The following ACOT7 variants were observed in gnomAD, a reference collection of about 807,000 sequenced individuals.
ACOT7 encodes the protein cytosolic acyl coenzyme A thioester hydrolase.
In ACOT7, 12 loss-of-function variants were observed where a neutral mutation model predicts 40.2. That is an observed-to-expected ratio of 0.30 (90% CI 0.19 to 0.48). The LOEUF is 0.48. Ranked by LOEUF, ACOT7 falls within the 20% of genes least tolerant of loss-of-function variation. ACOT7 has a pLI of 0.99. For synonymous variants in ACOT7, 228 were observed against 219.5 expected, an observed-to-expected ratio of 1.04 and a Z score of -0.34; for missense variants, 395 against 530.8, an observed-to-expected ratio of 0.74 and a Z score of 2.51.
chr1:6,316,421 T>C (rs1160362582), intron 6 of ACOT7, among the ~76,000 whole-genome samples: 1 of 152,246 alleles, frequency 6.6e-6, no homozygotes, highest in Admixed American at 6.5e-5. Context: ...AGACCATAGT[T>C]AATCAGATTT....
rs1640930711 is a variant in ACOT7, at chr1:6,330,664, CAG to C, written c.510+2811_510+2812del. On this transcript the variant is annotated intron_variant, in intron 4 of 8. Transcript: ENST00000361521. The surrounding 1 kb of genome is among the most constrained non-coding windows in gnomAD (Gnocchi z 4.6). ...ACTGGGCAAGGAGAGGCGAGGCTAA[CAG>C]GGGCCACGCTGAAAGCACCCTGTCC... Among the ~76,000 whole-genome samples, 2 of 152,278 alleles carry C rather than the reference CAG, an allele frequency of 1.3e-5. No individual in the cohort carries two copies. The highest frequency in any genetic ancestry group is 4.1e-4 in the South Asian group (2 of 4,826).
intron 1 of ACOT7, among the ~76,000 whole-genome samples, chr1:6,351,590 G>A (rs948927979): frequency 6.6e-6 from 1 of 152,226 alleles, no homozygotes; most frequent in East Asian, 1.9e-4. Flanking sequence ...CTGTCCTGGG[G>A]GCACTAGCCA....
intron 4 of ACOT7, among the ~76,000 whole-genome samples, chr1:6,329,445 T>C (rs536220200): frequency 7.2e-5 from 11 of 151,956 alleles, no homozygotes; most frequent in African/African-American, 2.7e-4. Flanking sequence ...CCTAGGAACA[T>C]TGGTGGGTGA....
At chr1:6,300,068 G>A (rs1639924612) in intron 6 of ACOT7, among the ~76,000 whole-genome samples, 2 of 152,350 alleles carry the variant, frequency 1.3e-5, no homozygotes, top group South Asian at 4.1e-4. Flanking sequence ...GACCGTGTGT[G>A]CTGGGGAGAC....
intron 1 of ACOT7, among the ~76,000 whole-genome samples, chr1:6,366,087 G>A (rs56299883): frequency 6.6e-6 from 1 of 151,878 alleles, no homozygotes; most frequent in East Asian, 2.0e-4. Context: ...GTAGAGACAG[G>A]GTCTCACTAT....
intron 1 of ACOT7, among the ~76,000 whole-genome samples, chr1:6,364,885 T>C (rs748805947): frequency 1.1e-4 from 15 of 130,680 alleles, no homozygotes; most frequent in Non-Finnish European, 7.9e-5. Context: ...TAGCCAGGCA[T>C]GGTGGTGGGA....
intron 2 of ACOT7, among the ~76,000 whole-genome samples, chr1:6,341,655 T>C (rs1013424085): frequency 1.3e-5 from 2 of 151,994 alleles, no homozygotes; most frequent in African/African-American, 2.4e-5. Flanking sequence ...GGCAGGAGAA[T>C]GGCGTGAACC....
At chr1:6,280,018 G>A (rs1309340417) in intron 8 of ACOT7, among the ~76,000 whole-genome samples, 2 of 152,230 alleles carry the variant, frequency 1.3e-5, no homozygotes, top group African/African-American at 4.8e-5. Context: ...AGGCTGAGCA[G>A]CAAATGCTTG....
intron 3 of ACOT7, among the ~76,000 whole-genome samples, chr1:6,337,086 C>T (rs1032217783): frequency 6.6e-6 from 1 of 152,254 alleles, no homozygotes; most frequent in East Asian, 1.9e-4. Flanking sequence ...TGCTGGCAAG[C>T]GTATCCTGCC....
In ACOT7 at chr1:6,349,734, G is replaced by C; in HGVS notation, c.261+15C>G. 1 of 1,609,110 alleles carries C rather than the reference G, an allele frequency of 6.2e-7. No homozygotes were observed. Among genetic ancestry groups the C allele is most frequent in the Non-Finnish European group, 8.5e-7 (1 of 1,177,824 alleles). ...CGGCCTCCAGGGCCCAGAGGTATGG[G>C]GCCCAGACCCTTACCCCGTTCTGGC... is the stretch of plus-strand genomic sequence containing the variant. On this transcript the variant is annotated intron_variant, in intron 2 of 8. Transcript: ENST00000361521.
At chr1:6,290,902 G>GGC (rs944611477) in intron 7 of ACOT7, among the ~76,000 whole-genome samples, 66 of 152,278 alleles carry the variant, frequency 4.3e-4, no homozygotes, top group African/African-American at 1.2e-3. Flanking sequence ...AAAAGTGGGG[G>GGC]GCCCCTGGGG....
At chr1:6,339,412 C>T in intron 3 of ACOT7, 21 bp downstream of exon 3, 1 of 1,612,130 alleles carries the variant, frequency 6.2e-7, no homozygotes, top group African/African-American at 1.3e-5. Context: ...CTCCAGTCAA[C>T]ACTGTCGCTC....
intron 4 of ACOT7, among the ~76,000 whole-genome samples, chr1:6,327,955 G>A (rs1248565114): frequency 6.6e-6 from 1 of 151,942 alleles, no homozygotes; most frequent in African/African-American, 2.4e-5. Flanking sequence ...TGTATTTTTA[G>A]TAGAGATGGG....
At chr1:6,349,587 A>C (rs921936040) in intron 2 of ACOT7, among the ~76,000 whole-genome samples, 162 bp downstream of exon 2, 1 of 152,190 alleles carries the variant, frequency 6.6e-6, no homozygotes, top group Non-Finnish European at 1.5e-5. Flanking sequence ...CATAGCTCTG[A>C]GGGTCCGGTG....
At chr1:6,312,465 C>A (rs1030213942) in intron 6 of ACOT7, among the ~76,000 whole-genome samples, 3 of 108,950 alleles carry the variant, frequency 2.8e-5, no homozygotes, top group Admixed American at 1.2e-4. Context: ...CCCTTTCTTT[C>A]TTTATTTCTT....
intron 6 of ACOT7, among the ~76,000 whole-genome samples, chr1:6,295,777 G>T (rs1446192028): frequency 6.6e-6 from 1 of 151,948 alleles, no homozygotes; most frequent in Non-Finnish European, 1.5e-5. Context: ...GGATTAGGGG[G>T]ATATGGGAAT....
At position 6,300,453 on chromosome 1, in the gene ACOT7, T is replaced by C. The variant is rs565813945; in HGVS notation, c.713-5473A>G. Among the ~76,000 whole-genome samples, 11 of 150,970 alleles carry C rather than the reference T, an allele frequency of 7.3e-5. No individual in the cohort carries two copies. In the East Asian group the frequency reaches 1.8e-3, roughly 24 times the overall value. ...GCAGCCTGAGTCCATGACTCACAGC[T>C]GGCCCCTCCCCTCTCCACAAACACG... On this transcript the variant is annotated intron_variant, in intron 6 of 8. Coordinates refer to ENST00000361521, the MANE Select transcript of ACOT7 (RefSeq NM_007274.4).
At chr1:6,332,857 G>C (rs1159584847) in intron 4 of ACOT7, among the ~76,000 whole-genome samples, 1 of 151,916 alleles carries the variant, frequency 6.6e-6, no homozygotes, top group Non-Finnish European at 1.5e-5. Flanking sequence ...CAAAAAGAAA[G>C]AAAGAAAGAA....
chr1:6,290,329 G>GC (rs1639629444), intron 7 of ACOT7, among the ~76,000 whole-genome samples: 2 of 152,204 alleles, frequency 1.3e-5, no homozygotes, highest in African/African-American at 4.8e-5. Flanking sequence ...ACTCATGGAG[G>GC]CCACATGACT....
Sources: gnomAD v4.1 joint callset for allele counts (sites outside exome capture counted in the v4.1 genomes callset) on GRCh38, gnomAD v4.1.1 for gene constraint, Gnocchi (gnomAD v3.1) non-coding constraint, MANE v1.5 for transcripts, NCBI Gene and HGNC (gene_info 2026-07-23, HGNC 2026-07-21) for gene names.